Variants in HORMAD2 observed in about 807,000 individuals in gnomAD.
HORMAD2 encodes HORMA domain-containing protein 2.
HORMAD2 carries 45 observed loss-of-function variants against 38.8 expected under a neutral mutation model. The ratio of observed to expected loss-of-function variants is 1.16; its 90% CI spans 0.91 to 1.49. HORMAD2 has a LOEUF of 1.49. Among genes scored for constraint, HORMAD2 ranks in the 40% most tolerant of loss-of-function variants. The probability of loss-of-function intolerance (pLI) is 0.00; values close to 1 mark genes in which losing one functional copy is unlikely to be tolerated. For missense variants in HORMAD2, 338 were observed against 367.0 expected (o/e 0.92, Z 0.65); for synonymous variants, 126 against 122.8 (o/e 1.03, Z -0.17).
intron 10 of HORMAD2, among the ~76,000 whole-genome samples, chr22:30,159,606 C>A (rs938666711): frequency 6.6e-6 from 1 of 152,144 alleles, no homozygotes; most frequent in Non-Finnish European, 1.5e-5. Context: ...ATCAGGGTTG[C>A]CATGCATGAC....
At position 30,103,483 on chromosome 22, in the gene HORMAD2, A is replaced by C; in HGVS notation, c.240A>C (p.Ser80=). The C allele has an allele frequency of 6.6e-7, 1 of 1,524,150 alleles. No homozygotes were observed. Among genetic ancestry groups the C allele is most frequent in the Non-Finnish European group, 8.9e-7 (1 of 1,120,732 alleles). 94.4% of individuals were successfully genotyped at this position (1,524,150 alleles called of 1,614,324 possible). A position where few individuals can be genotyped will look rare whatever the true frequency, so the allele number is the denominator to read the frequency against. ...GAGAAGATAAAAAATGTCCCGGGTC[A>C]CTGCATATTATCAGATGGTAAGTAA... ...ILREDKKCPG[S]LHIIRWIQGC... The change falls in exon 4 of 11, where the codon TCA becomes TCC. Residue 80 remains serine, a synonymous_variant. Transcript: ENST00000336726.
At chr22:30,114,533 A>G (rs1189084064) in intron 7 of HORMAD2, among the ~76,000 whole-genome samples, 3 of 152,220 alleles carry the variant, frequency 2.0e-5, no homozygotes, top group Non-Finnish European at 1.5e-5. Context: ...ACATTCTAAC[A>G]TAAACATCGT....
At chr22:30,088,412 C>T (rs1267598308) in intron 1 of HORMAD2, among the ~76,000 whole-genome samples, 1 of 151,364 alleles carries the variant, frequency 6.6e-6, no homozygotes, top group Admixed American at 6.6e-5. Context: ...TAGCAAGTGT[C>T]CTGAATGCCT....
intron 5 of HORMAD2, among the ~76,000 whole-genome samples, chr22:30,110,493 CT>C (rs1921552130): frequency 6.7e-6 from 1 of 149,090 alleles, no homozygotes; most frequent in Non-Finnish European, 1.5e-5. Context: ...TCAAGCAATT[CT>C]CCTGTTTCAG....
chr22:30,203,731 G>A, the HORMAD2 span, among the ~76,000 whole-genome samples: 3 of 152,212 alleles, frequency 2.0e-5, no homozygotes, highest in South Asian at 4.1e-4. Context: ...ACCTGTCTGC[G>A]CACACATTCT....
At chr22:30,154,718 A>G (rs1395287705) in intron 10 of HORMAD2, among the ~76,000 whole-genome samples, 1 of 152,148 alleles carries the variant, frequency 6.6e-6, no homozygotes, top group South Asian at 2.1e-4. Context: ...ATGTCCTTCA[A>G]TTTGCATTTG....
intron 1 of HORMAD2, among the ~76,000 whole-genome samples, chr22:30,084,954 G>A (rs373454410): frequency 1.3e-4 from 20 of 152,014 alleles, no homozygotes; most frequent in African/African-American, 2.9e-4. Flanking sequence ...GACCATCGTC[G>A]CTAACATGGT....
intron 4 of HORMAD2, among the ~76,000 whole-genome samples, chr22:30,103,999 T>C (rs956311930): frequency 6.6e-6 from 1 of 152,150 alleles, no homozygotes; most frequent in African/African-American, 2.4e-5. Flanking sequence ...TTCTAGGAAT[T>C]TGTAAGAATT....
intron 10 of HORMAD2, among the ~76,000 whole-genome samples, chr22:30,154,140 T>C (rs1234365776): frequency 6.6e-6 from 1 of 152,194 alleles, no homozygotes; most frequent in East Asian, 1.9e-4. Flanking sequence ...CTTCTTTCTG[T>C]TTCTACAAAA....
Position 30,121,967 on chromosome 22 carries a change from C to T in HORMAD2, c.572C>T (p.Thr191Ile). Residue 191 changes from threonine to isoleucine, a missense_variant, in exon 10 of 11, where the codon ACC becomes ATC. Transcript: ENST00000336726. ...TMKLHYYNAV[T>I]PHDYQPLGFK... ...TTTTGCCCTTTTCATTTCGCAGTGA[C>T]CCCACATGATTACCAACCCCTCGGT... The T allele has an allele frequency of 1.2e-6, 2 of 1,610,110 alleles. No individual in the cohort carries two copies. The highest frequency in any genetic ancestry group is 1.7e-6 in the Non-Finnish European group (2 of 1,178,054).
intron 10 of HORMAD2, among the ~76,000 whole-genome samples, chr22:30,172,778 C>T (rs1028673278): frequency 4.6e-5 from 7 of 152,000 alleles, no homozygotes; most frequent in African/African-American, 1.4e-4. Context: ...ATCCCAGCTA[C>T]TTGGGAGGCT....
chr22:30,185,979 G>GA, the HORMAD2 span, among the ~76,000 whole-genome samples: 2 of 150,900 alleles, frequency 1.3e-5, no homozygotes, highest in African/African-American at 4.8e-5. Context: ...AGCCTCCTAA[G>GA]AAAAAAACAA....
chr22:30,121,604 CA>C, intron 8 of HORMAD2, 27 bp from the exon 9 acceptor site: 1 of 1,534,992 alleles, frequency 6.5e-7, no homozygotes, highest in Non-Finnish European at 8.8e-7. Flanking sequence ...TGTATATGAT[CA>C]AAAAGTATGC....
At chr22:30,134,362 G>A (rs548189798) in intron 10 of HORMAD2, among the ~76,000 whole-genome samples, 5 of 148,048 alleles carry the variant, frequency 3.4e-5, no homozygotes, top group African/African-American at 1.2e-4. Context: ...TCACACCATT[G>A]CACTCCAGCA....
At chr22:30,200,970 G>A in the HORMAD2 span, among the ~76,000 whole-genome samples, 15 of 151,892 alleles carry the variant, frequency 9.9e-5, no homozygotes, top group African/African-American at 3.1e-4. Context: ...GGCTGATCTC[G>A]AACTCCTGAC....
At chr22:30,130,973 C>G (rs1439719535) in intron 10 of HORMAD2, among the ~76,000 whole-genome samples, 3 of 152,098 alleles carry the variant, frequency 2.0e-5, no homozygotes, top group Admixed American at 6.5e-5. Flanking sequence ...AAGCACTTCA[C>G]ATAACCCTGG....
chr22:30,151,005 G>A (rs1306027070), intron 10 of HORMAD2, among the ~76,000 whole-genome samples: 1 of 152,148 alleles, frequency 6.6e-6, no homozygotes, highest in Admixed American at 6.5e-5. Flanking sequence ...GTTTCAGTTG[G>A]TCTTTCTTAT....
At chr22:30,165,757 C>T (rs532832534) in intron 10 of HORMAD2, among the ~76,000 whole-genome samples, 8 of 152,142 alleles carry the variant, frequency 5.3e-5, no homozygotes, top group African/African-American at 1.9e-4. Context: ...CTGCCAATTC[C>T]CTGGTAATTG....
At chr22:30,139,726 T>C (rs1255727616) in intron 10 of HORMAD2, among the ~76,000 whole-genome samples, 1 of 152,108 alleles carries the variant, frequency 6.6e-6, no homozygotes, top group Non-Finnish European at 1.5e-5. Context: ...TTGTTTTAGG[T>C]GCCCTTTGTT....
Sources: allele counts gnomAD v4.1 joint callset (sites outside exome capture counted in the v4.1 genomes callset), GRCh38; gene constraint gnomAD v4.1.1; transcripts MANE v1.5; gene names NCBI Gene and HGNC (gene_info 2026-07-23, HGNC 2026-07-21).